NR5A2: variants seen among roughly 807,000 people sequenced by gnomAD.
NR5A2 encodes CYP7A promoter-binding factor.
A neutral mutation model predicts 62.7 loss-of-function variants in NR5A2; 26 were observed. The observed-to-expected ratio is 0.41, with a 90% CI of 0.30 to 0.58. NR5A2 has a LOEUF of 0.58. Ranked by LOEUF, NR5A2 falls within the 20% of genes least tolerant of loss-of-function variation. NR5A2 has a pLI of 0.22. For missense variants in NR5A2, 541 were observed against 669.1 expected, an observed-to-expected ratio of 0.81 and a Z score of 2.11; for synonymous variants, 246 against 241.7, an observed-to-expected ratio of 1.02 and a Z score of -0.16.
chr1:200,154,370 A>C (rs1653279707), intron 7 of NR5A2, among the ~76,000 whole-genome samples: 1 of 152,208 alleles, frequency 6.6e-6, no homozygotes, highest in South Asian at 2.1e-4. Flanking sequence ...CTAGACCAAA[A>C]CATGCAAAGT....
intron 5 of NR5A2, among the ~76,000 whole-genome samples, chr1:200,082,836 G>T (rs1255473200): frequency 1.3e-5 from 2 of 152,038 alleles, no homozygotes; most frequent in Non-Finnish European, 2.9e-5. Context: ...ATCTACAAAG[G>T]TCTTACATAT....
At chr1:200,129,914 G>A (rs1666888413) in intron 7 of NR5A2, among the ~76,000 whole-genome samples, 1 of 152,166 alleles carries the variant, frequency 6.6e-6, no homozygotes, top group Admixed American at 6.5e-5. Context: ...AGTGTATGGG[G>A]GGCACTGTTG....
At chr1:200,074,365 A>C (rs367700714) in intron 5 of NR5A2, among the ~76,000 whole-genome samples, 3 of 151,398 alleles carry the variant, frequency 2.0e-5, no homozygotes, top group East Asian at 3.9e-4. Flanking sequence ...GGAGGATTCA[A>C]GACCAACATA....
At chr1:200,085,347 G>A (rs1437803657) in intron 5 of NR5A2, among the ~76,000 whole-genome samples, 1 of 152,042 alleles carries the variant, frequency 6.6e-6, no homozygotes, top group African/African-American at 2.4e-5. Context: ...GTATTTGATT[G>A]ATTCAACAAA....
intron 7 of NR5A2, among the ~76,000 whole-genome samples, chr1:200,143,429 T>G (rs1317222244): frequency 1.3e-5 from 2 of 151,940 alleles, no homozygotes; most frequent in African/African-American, 4.8e-5. Context: ...GTTTTGTTTT[T>G]TTTTTCCCCC....
chr1:200,101,144 C>T (rs1001482688), intron 5 of NR5A2, among the ~76,000 whole-genome samples: 6 of 152,118 alleles, frequency 3.9e-5, no homozygotes, highest in Non-Finnish European at 7.3e-5. Context: ...ATTATTGATT[C>T]CACAGAGTGT....
At chr1:200,165,263 C>A (rs1653846952) in intron 7 of NR5A2, among the ~76,000 whole-genome samples, 1 of 151,124 alleles carries the variant, frequency 6.6e-6, no homozygotes, top group Non-Finnish European at 1.5e-5. Flanking sequence ...GTCAGCATTC[C>A]CCTACCAGCA....
chr1:200,099,270 C>T (rs971161282), intron 5 of NR5A2, among the ~76,000 whole-genome samples: 9 of 152,076 alleles, frequency 5.9e-5, no homozygotes, highest in African/African-American at 1.9e-4. Context: ...ATTCTTTTCT[C>T]CTTTCTTTGG....
intron 5 of NR5A2, among the ~76,000 whole-genome samples, chr1:200,063,246 G>A (rs753308594): frequency 6.6e-6 from 1 of 151,884 alleles, no homozygotes; most frequent in African/African-American, 2.4e-5. Context: ...GGCTGGTCTC[G>A]AGCTCCTGAC....
rs1484336188 is a variant in NR5A2 at position 200,174,480 on chromosome 1, G to C, written c.*270G>C. On this transcript the variant is annotated 3_prime_UTR_variant, in exon 8 of 8. Coordinates refer to ENST00000367362, the MANE Select transcript of NR5A2 (RefSeq NM_205860.3). Reference sequence around the variant, plus strand: ...ATATAAAAGACATTGTAATGGAGTGGATTGAACTCACAGATGGATACCAAC... The same window carrying C: ...ATATAAAAGACATTGTAATGGAGTGCATTGAACTCACAGATGGATACCAAC... 1 of 253,160 alleles carries C rather than the reference G, an allele frequency of 4.0e-6. No homozygotes were observed. The highest frequency in any genetic ancestry group is 2.2e-5 in the African/African-American group (1 of 44,988). The allele number at this position is 253,160 out of a possible 1,614,324, so 15.7% of individuals were successfully genotyped here. A position where few individuals can be genotyped will look rare whatever the true frequency, so the allele number is the denominator to read the frequency against.
intron 7 of NR5A2, among the ~76,000 whole-genome samples, chr1:200,158,482 G>T (rs1653485462): frequency 6.6e-6 from 1 of 152,108 alleles, no homozygotes; most frequent in Admixed American, 6.5e-5. Context: ...TTAAAAATTG[G>T]ATGTTAAAAT....
At chr1:200,172,968 T>C (rs1654250340) in intron 7 of NR5A2, among the ~76,000 whole-genome samples, 1 of 152,206 alleles carries the variant, frequency 6.6e-6, no homozygotes, top group South Asian at 2.1e-4. Flanking sequence ...GTCTATTTTT[T>C]CCAGAGGCTT....
chr1:200,029,091 T>A (rs1440344419), intron 1 of NR5A2: 1 of 446,514 alleles, frequency 2.2e-6, no homozygotes, highest in East Asian at 7.9e-5. Context: ...CCATTTCGCA[T>A]CTTTTTCGTC....
At chr1:200,172,947 C>G (rs1239037582) in intron 7 of NR5A2, among the ~76,000 whole-genome samples, 1 of 152,160 alleles carries the variant, frequency 6.6e-6, no homozygotes, top group Non-Finnish European at 1.5e-5. Flanking sequence ...TGTAAACACA[C>G]ACACGTATCT....
chr1:200,052,854 A>T (rs562717875), intron 5 of NR5A2, among the ~76,000 whole-genome samples: 1 of 152,176 alleles, frequency 6.6e-6, no homozygotes, highest in South Asian at 2.1e-4. Flanking sequence ...GTTAGCCAGG[A>T]TGGTCTTGAT....
chr1:200,035,632 G>A (rs1351186285), intron 1 of NR5A2, among the ~76,000 whole-genome samples: 1 of 152,150 alleles, frequency 6.6e-6, no homozygotes, highest in African/African-American at 2.4e-5. Flanking sequence ...AATGGGGCGC[G>A]CACGGCCCCG....
At chr1:200,082,831 CA>C (rs942230822) in intron 5 of NR5A2, among the ~76,000 whole-genome samples, 3 of 152,076 alleles carry the variant, frequency 2.0e-5, no homozygotes. Flanking sequence ...TGTGCATCTA[CA>C]AAGGTCTTAC....
At chr1:200,074,357 A>G (rs1377906077) in intron 5 of NR5A2, among the ~76,000 whole-genome samples, 2 of 151,040 alleles carry the variant, frequency 1.3e-5, no homozygotes, top group African/African-American at 2.4e-5. Context: ...CTGAGGTGGG[A>G]GGATTCAAGA....
intron 7 of NR5A2, among the ~76,000 whole-genome samples, chr1:200,125,356 A>G (rs1666658321): frequency 6.6e-6 from 1 of 152,224 alleles, no homozygotes; most frequent in Non-Finnish European, 1.5e-5. Flanking sequence ...TTTGTTCATC[A>G]TGATAGCTCT....
Sources: gnomAD v4.1 joint callset for allele counts (sites outside exome capture counted in the v4.1 genomes callset) on GRCh38, gnomAD v4.1.1 for gene constraint, MANE v1.5 for transcripts, NCBI Gene and HGNC (gene_info 2026-07-23, HGNC 2026-07-21) for gene names.